The following SIPA1L2 variants were observed in gnomAD, a reference collection of about 807,000 sequenced individuals.
SIPA1L2 encodes signal induced proliferation associated 1 like 2, also known as signal-induced proliferation-associated 1-like protein 2.
A neutral mutation model predicts 163.9 loss-of-function variants in SIPA1L2; 56 were observed. The observed-to-expected ratio is 0.34, with a 90% CI of 0.28 to 0.43. SIPA1L2 has a LOEUF of 0.43. Among genes scored for constraint, SIPA1L2 ranks in the 20% least tolerant of loss-of-function variants. The pLI is 1.00. For missense variants in SIPA1L2, 1,974 were observed against 2,193.5 expected (o/e 0.90, Z 2.00); for synonymous variants, 877 against 865.7 (o/e 1.01, Z -0.23).
intron 1 of SIPA1L2, among the ~76,000 whole-genome samples, chr1:232,610,367 C>T (rs1236140994): frequency 6.6e-6 from 1 of 152,148 alleles, no homozygotes; most frequent in Non-Finnish European, 1.5e-5. Flanking sequence ...GGAGAAACTG[C>T]CTCTGCTGAT....
At chr1:232,401,379 G>A (rs1327185235) in intron 22 of SIPA1L2, among the ~76,000 whole-genome samples, 1 of 152,120 alleles carries the variant, frequency 6.6e-6, no homozygotes, top group East Asian at 1.9e-4. Flanking sequence ...AAATTCAAAC[G>A]TGCTTTAGCT....
rs1051623964 is a variant in SIPA1L2 at position 232,442,759 on chromosome 1, CA to C, written c.3437+842del. Among the ~76,000 whole-genome samples the C allele has an allele frequency of 1.6e-4, 25 of 152,046 alleles. 1 individual carries two copies. Among genetic ancestry groups the C allele is most frequent in the African/African-American group, 5.8e-4 (24 of 41,484 alleles). ...TTACTGTTTATACAAAAAAGAACAC[CA>C]AAAAAGCCAACATCAAAAAATCCTC... On this transcript the variant is annotated intron_variant, in intron 12 of 22. Coordinates refer to ENST00000674635, the MANE Select transcript of SIPA1L2 (RefSeq NM_020808.5).
chr1:232,551,355 G>A (rs546534171), intron 2 of SIPA1L2, among the ~76,000 whole-genome samples: 11 of 152,294 alleles, frequency 7.2e-5, no homozygotes, highest in African/African-American at 2.2e-4. Flanking sequence ...CCTAAGAGAG[G>A]AGCCCTCACA....
In SIPA1L2 at chr1:232,513,953, C is replaced by T. The variant is rs755030916; in HGVS notation, c.1387G>A (p.Glu463Lys). The change falls in exon 3 of 23, where the codon GAA becomes AAA. Residue 463 changes from glutamate (E) to lysine (K), a missense_variant. Physicochemically the swap from Glu to Lys is moderately conservative, Grantham distance 56. Around this residue, in one of 3 missense-constraint regions of SIPA1L2, gnomAD observed 607 missense variants for 624.0 expected, o/e 0.97. Coordinates refer to ENST00000674635, the MANE Select transcript of SIPA1L2 (RefSeq NM_020808.5). ...TTCTCCCTGTGAATAGGCTGGTTTT[C>T]TCTGGGCACTTCCAAGACGGAGACA... ...AGVSVLEVPR[E>K]NQPIHREKVK... is the part of the protein sequence containing the mutation. 4 of 1,614,086 alleles carry T rather than the reference C, an allele frequency of 2.5e-6. No individual in the cohort carries two copies. Among genetic ancestry groups the T allele is most frequent in the Non-Finnish European group, 3.4e-6 (4 of 1,180,040 alleles).
At chr1:232,621,794 C>T (rs1438891357) in intron 1 of SIPA1L2, among the ~76,000 whole-genome samples, 1 of 151,868 alleles carries the variant, frequency 6.6e-6, no homozygotes, top group African/African-American at 2.4e-5. Context: ...TCCACTGGCA[C>T]GATCAGCCCA....
intron 1 of SIPA1L2, among the ~76,000 whole-genome samples, chr1:232,591,051 C>T (rs917316291): frequency 2.6e-5 from 4 of 152,184 alleles, no homozygotes; most frequent in African/African-American, 4.8e-5. Context: ...GCCCATTTTC[C>T]GGAGTGCAGC....
chr1:232,592,877 T>G (rs1450152271), intron 1 of SIPA1L2, among the ~76,000 whole-genome samples: 1 of 151,896 alleles, frequency 6.6e-6, no homozygotes, highest in African/African-American at 2.4e-5. Context: ...AGTCTTCTGC[T>G]GTACGACTGG....
At chr1:232,438,900 A>C (rs946877894) in intron 15 of SIPA1L2, among the ~76,000 whole-genome samples, 2 of 152,186 alleles carry the variant, frequency 1.3e-5, no homozygotes, top group African/African-American at 2.4e-5. Flanking sequence ...AAAAAAAAAA[A>C]AACACCAACA....
At chr1:232,529,296 C>T (rs1457734178) in intron 2 of SIPA1L2, among the ~76,000 whole-genome samples, 1 of 152,156 alleles carries the variant, frequency 6.6e-6, no homozygotes, top group Non-Finnish European at 1.5e-5. Flanking sequence ...CACTCAAAGC[C>T]ATAATCTATG....
intron 7 of SIPA1L2, among the ~76,000 whole-genome samples, chr1:232,478,833 T>G (rs1229832127): frequency 1.3e-5 from 2 of 152,242 alleles, no homozygotes; most frequent in Non-Finnish European, 2.9e-5. Flanking sequence ...AATCTTCAGC[T>G]TAACATGGGC....
intron 1 of SIPA1L2, among the ~76,000 whole-genome samples, chr1:232,583,767 T>C (rs1573123048): frequency 6.6e-6 from 1 of 152,208 alleles, no homozygotes; most frequent in South Asian, 2.1e-4. Flanking sequence ...CCATGAAAGG[T>C]AATTATGTCT....
At chr1:232,623,548 C>A in intron 1 of SIPA1L2, among the ~76,000 whole-genome samples, 1 of 152,158 alleles carries the variant, frequency 6.6e-6, no homozygotes, top group East Asian at 1.9e-4. Context: ...GCAGAGCTTG[C>A]AGTGAGCCAA....
intron 2 of SIPA1L2, among the ~76,000 whole-genome samples, chr1:232,538,763 A>G (rs1425865954): frequency 1.3e-5 from 2 of 152,046 alleles, no homozygotes; most frequent in Admixed American, 1.3e-4. Flanking sequence ...TTTGATGATC[A>G]CATGAAGGTA....
rs1195803894 is a variant in SIPA1L2 at position 232,630,121 on chromosome 1, G to C, written c.-571C>G. ...TCCTCTCGCTCCGCCAGCTCCTCCC[G>C]GGCTCCCAGTCTGCCGCGCCGGCTC... On this transcript the variant is annotated 5_prime_UTR_variant, in exon 1 of 23. Coordinates refer to ENST00000674635, the MANE Select transcript of SIPA1L2 (RefSeq NM_020808.5). Among the ~76,000 whole-genome samples, 1 of 151,144 alleles carries C rather than the reference G, an allele frequency of 6.6e-6. No homozygotes were observed. The highest frequency in any genetic ancestry group is 2.4e-5 in the African/African-American group (1 of 41,292).
intron 18 of SIPA1L2, among the ~76,000 whole-genome samples, chr1:232,421,478 T>C (rs1458006293): frequency 6.6e-6 from 1 of 152,190 alleles, no homozygotes; most frequent in Admixed American, 6.5e-5. Context: ...GGTTTCACAA[T>C]TACACTTTTC....
intron 4 of SIPA1L2, among the ~76,000 whole-genome samples, chr1:232,491,343 T>G (rs988397472): frequency 6.6e-6 from 1 of 151,960 alleles, no homozygotes; most frequent in Admixed American, 6.6e-5. Context: ...GCTATGAAAA[T>G]TAGGACATTC....
intron 2 of SIPA1L2, among the ~76,000 whole-genome samples, chr1:232,559,076 A>G (rs748986922): frequency 1.3e-5 from 2 of 152,164 alleles, no homozygotes; most frequent in Non-Finnish European, 2.9e-5. Flanking sequence ...GGTGATCTCA[A>G]TTATGTAAAG....
chr1:232,476,302 G>A (rs933360741), intron 7 of SIPA1L2, among the ~76,000 whole-genome samples: 4 of 151,874 alleles, frequency 2.6e-5, no homozygotes, highest in African/African-American at 9.7e-5. Context: ...GAAACCTAGG[G>A]GCTTGGTCTT....
At chr1:232,580,065 T>C (rs549496650) in intron 1 of SIPA1L2, among the ~76,000 whole-genome samples, 54 of 152,332 alleles carry the variant, frequency 3.5e-4, no homozygotes, top group Middle Eastern at 3.4e-3. Flanking sequence ...CAACTGAGTA[T>C]ACTTATAGTT....
Sources: allele counts gnomAD v4.1 joint callset (sites outside exome capture counted in the v4.1 genomes callset), GRCh38; gene constraint gnomAD v4.1.1; regional missense constraint gnomAD v4.1.1; transcripts MANE v1.5; gene names NCBI Gene and HGNC (gene_info 2026-07-23, HGNC 2026-07-21).